The following SGCZ variants were observed in gnomAD, a reference collection of about 807,000 sequenced individuals.
SGCZ encodes zeta-sarcoglycan.
A neutral mutation model predicts 41.3 loss-of-function variants in SGCZ; 40 were observed. The ratio of observed to expected loss-of-function variants is 0.97; its 90% CI spans 0.75 to 1.26. SGCZ has a LOEUF of 1.26. Among genes scored for constraint, SGCZ ranks in the 50% most tolerant of loss-of-function variants. The pLI is 0.00. For missense variants in SGCZ, 552 were observed against 369.8 expected, an observed-to-expected ratio of 1.49 and a Z score of -4.04; for synonymous variants, 206 against 137.5, an observed-to-expected ratio of 1.50 and a Z score of -3.49.
intron 1 of SGCZ, among the ~76,000 whole-genome samples, chr8:14,720,915 T>G (rs1453748571): frequency 7.0e-5 from 1 of 14,218 alleles, no homozygotes; most frequent in Admixed American, 1.0e-3. Context: ...GGAAACTGTT[T>G]TTTTTTTAAT....
In SGCZ at chr8:15,060,403, G is replaced by A. The variant is rs541399084; in HGVS notation, c.39+177182C>T. 4.1e-3 allele frequency among the ~76,000 whole-genome samples: 620 copies of A among 151,254 alleles called. 1 individual carries two copies. Among genetic ancestry groups the A allele is most frequent in the Non-Finnish European group, 6.4e-3 (433 of 67,916 alleles). ...ATGAAGCTGGAAACCATCATTCTCA[G>A]CAAACTATCACAAGGACAGAAAACC... On this transcript the variant is annotated intron_variant, in intron 1 of 7. Transcript: ENST00000382080.
rs1335234405 is a variant in SGCZ at position 15,237,924 on chromosome 8, C to G, written c.-301G>C. The G allele has an allele frequency of 3.0e-6, 1 of 334,276 alleles. No individual in the cohort carries two copies. Among genetic ancestry groups the G allele is most frequent in the Non-Finnish European group, 5.5e-6 (1 of 181,500 alleles). The allele number at this position is 334,276 out of a possible 1,614,324, so 20.7% of individuals were successfully genotyped here. On this transcript the variant is annotated 5_prime_UTR_variant, in exon 1 of 8. Transcript: ENST00000382080. ...CCAAAAGAAAAAAGGAAAAAAAAAT[C>G]CACTCTATTTAAGATTATTTCTTCT...
intron 1 of SGCZ, among the ~76,000 whole-genome samples, chr8:15,179,618 C>A (rs954900291): frequency 6.6e-6 from 1 of 152,062 alleles, no homozygotes; most frequent in Non-Finnish European, 1.5e-5. Context: ...AAGCATGGTA[C>A]ACAGTCATCA....
rs536589190 is a variant in SGCZ, at chr8:14,937,510, C to G, written c.39+300075G>C. ...AAAATCTTACAAAAACCCTACAACT[C>G]ATTTTATCAAGTTATCTCTTTGTTA... On this transcript the variant is annotated intron_variant, in intron 1 of 7. Coordinates refer to ENST00000382080, the MANE Select transcript of SGCZ (RefSeq NM_139167.4). Among the ~76,000 whole-genome samples the G allele has an allele frequency of 3.4e-4, 52 of 152,116 alleles. 1 individual carries two copies. The South Asian group carries it at 0.011, about 31-fold the overall frequency.
At chr8:15,055,204 G>C (rs2131000301) in intron 1 of SGCZ, among the ~76,000 whole-genome samples, 1 of 152,048 alleles carries the variant, frequency 6.6e-6, no homozygotes. Flanking sequence ...TACATTTCTG[G>C]CCTCTCTGAA....
chr8:14,405,256 T>G (rs527547216), intron 2 of SGCZ, among the ~76,000 whole-genome samples: 1 of 152,316 alleles, frequency 6.6e-6, no homozygotes, highest in East Asian at 1.9e-4. Context: ...AGGCAACAAA[T>G]AAAATGTAGT....
chr8:15,172,691 T>A (rs1020270837), intron 1 of SGCZ, among the ~76,000 whole-genome samples: 1 of 152,218 alleles, frequency 6.6e-6, no homozygotes, highest in Admixed American at 6.5e-5. Context: ...TCTTGGAGTC[T>A]ATTAAAAAAT....
chr8:14,157,794 T>C (rs925474723), intron 5 of SGCZ, among the ~76,000 whole-genome samples: 1 of 152,138 alleles, frequency 6.6e-6, no homozygotes, highest in African/African-American at 2.4e-5. Flanking sequence ...CATAATACAG[T>C]AGCTCAAATT....
At chr8:15,007,276 G>A (rs1802639004) in intron 1 of SGCZ, among the ~76,000 whole-genome samples, 1 of 152,118 alleles carries the variant, frequency 6.6e-6, no homozygotes, top group Admixed American at 6.6e-5. Flanking sequence ...GACAGATTTT[G>A]ATACTATGTT....
chr8:14,424,991 T>C (rs1799738640), intron 2 of SGCZ, among the ~76,000 whole-genome samples: 1 of 152,228 alleles, frequency 6.6e-6, no homozygotes, highest in Admixed American at 6.5e-5. Flanking sequence ...GTAAATATCA[T>C]TGAAATTTTC....
At chr8:14,153,923 T>TCTCTCA (rs1554468714) in intron 5 of SGCZ, among the ~76,000 whole-genome samples, 1 of 141,928 alleles carries the variant, frequency 7.0e-6, no homozygotes, top group African/African-American at 2.6e-5. Context: ...TCTCTCTCTC[T>TCTCTCA]CACACACACA....
intron 2 of SGCZ, among the ~76,000 whole-genome samples, chr8:14,536,704 G>C (rs1803307674): frequency 6.6e-6 from 1 of 151,784 alleles, no homozygotes; most frequent in African/African-American, 2.4e-5. Context: ...AAAGCAGTCT[G>C]TGTGTCCATG....
At chr8:14,866,578 G>C (rs1412253058) in intron 1 of SGCZ, among the ~76,000 whole-genome samples, 1 of 152,118 alleles carries the variant, frequency 6.6e-6, no homozygotes, top group East Asian at 1.9e-4. Context: ...CGGAGGCCAA[G>C]ATGGGTAGAT....
intron 1 of SGCZ, among the ~76,000 whole-genome samples, chr8:14,792,136 T>C (rs912064730): frequency 2.0e-5 from 3 of 152,162 alleles, no homozygotes; most frequent in African/African-American, 7.2e-5. Context: ...ATAGCAACAA[T>C]GCATAGAAAG....
intron 1 of SGCZ, among the ~76,000 whole-genome samples, chr8:14,799,538 T>A (rs1207178793): frequency 6.6e-6 from 1 of 152,100 alleles, no homozygotes; most frequent in Admixed American, 6.6e-5. Flanking sequence ...CAGGAGAGAC[T>A]CAAGACTCTT....
intron 2 of SGCZ, 124 bp from the exon 3 acceptor site, chr8:14,324,328 G>C (rs1802021892): frequency 1.4e-6 from 1 of 710,292 alleles, no homozygotes; most frequent in Non-Finnish European, 2.5e-6. Context: ...AGGAAAATGA[G>C]AGATTGAATC....
At chr8:14,420,583 A>C (rs1477410917) in intron 2 of SGCZ, among the ~76,000 whole-genome samples, 1 of 152,108 alleles carries the variant, frequency 6.6e-6, no homozygotes, top group Admixed American at 6.6e-5. Flanking sequence ...AACAGATACC[A>C]AAATGATCCC....
chr8:14,885,320 C>T (rs1027199196), intron 1 of SGCZ, among the ~76,000 whole-genome samples: 3 of 152,104 alleles, frequency 2.0e-5, no homozygotes, highest in Admixed American at 6.6e-5. Context: ...AATACAGATA[C>T]GGTTCTGGTT....
intron 1 of SGCZ, among the ~76,000 whole-genome samples, chr8:14,988,555 A>G (rs991989153): frequency 6.6e-6 from 1 of 152,052 alleles, no homozygotes; most frequent in African/African-American, 2.4e-5. Flanking sequence ...AGAAATGATT[A>G]TATTTCAAAT....
Sources: gnomAD v4.1 joint callset for allele counts (sites outside exome capture counted in the v4.1 genomes callset) on GRCh38, gnomAD v4.1.1 for gene constraint, MANE v1.5 for transcripts, NCBI Gene and HGNC (gene_info 2026-07-23, HGNC 2026-07-21) for gene names.